Variants in DPYD observed in about 807,000 individuals in gnomAD.
DPYD encodes the protein dihydropyrimidine dehydrogenase.
In DPYD, 109 loss-of-function variants were observed where a neutral mutation model predicts 116.2. That is an observed-to-expected ratio of 0.94 (90% CI 0.80 to 1.10). The LOEUF is 1.10. Among genes scored for constraint, DPYD ranks in the 50% least tolerant of loss-of-function variants. The pLI is 0.00. For missense variants in DPYD, 1,302 were observed against 1,254.5 expected (o/e 1.04, Z -0.57); for synonymous variants, 440 against 432.0 (o/e 1.02, Z -0.23).
intron 12 of DPYD, among the ~76,000 whole-genome samples, chr1:97,543,568 AAACT>A (rs909857704): frequency 6.6e-6 from 1 of 152,232 alleles, no homozygotes; most frequent in African/African-American, 2.4e-5. Context: ...CCCCCAAAAC[AAACT>A]AATGTAAAAT....
chr1:97,847,542 T>C (rs2101554228), intron 2 of DPYD, among the ~76,000 whole-genome samples: 1 of 152,322 alleles, frequency 6.6e-6, no homozygotes, highest in South Asian at 2.1e-4. Flanking sequence ...GGCATGCTAA[T>C]TTTATCTGCT....
At chr1:97,886,292 C>T (rs1352348653) in intron 1 of DPYD, among the ~76,000 whole-genome samples, 1 of 152,036 alleles carries the variant, frequency 6.6e-6, no homozygotes, top group Non-Finnish European at 1.5e-5. Flanking sequence ...AAGATGCCAG[C>T]ATTTCTCATT....
chr1:97,608,980 C>G (rs1655771633), intron 8 of DPYD, among the ~76,000 whole-genome samples: 1 of 151,816 alleles, frequency 6.6e-6, no homozygotes, highest in Non-Finnish European at 1.5e-5. Context: ...CTGAACCACT[C>G]TAATGATAGT....
chr1:97,249,370 T>C (rs943182470), intron 18 of DPYD, among the ~76,000 whole-genome samples: 33 of 151,934 alleles, frequency 2.2e-4, no homozygotes, highest in African/African-American at 8.0e-4. Flanking sequence ...AAGCAGGATA[T>C]TTTTAAGAGG....
chr1:97,489,004 G>T (rs1311603929), intron 13 of DPYD, among the ~76,000 whole-genome samples: 1 of 152,292 alleles, frequency 6.6e-6, no homozygotes, highest in African/African-American at 2.4e-5. Context: ...CCTCTGGCTT[G>T]CCCTTGAATT....
intron 13 of DPYD, among the ~76,000 whole-genome samples, chr1:97,465,759 C>A (rs1402704391): frequency 6.6e-6 from 1 of 152,100 alleles, no homozygotes; most frequent in East Asian, 1.9e-4. Flanking sequence ...TCTTTATTAG[C>A]AGCATAAAAA....
At chr1:97,799,813 G>T (rs1158326100) in intron 3 of DPYD, among the ~76,000 whole-genome samples, 1 of 151,910 alleles carries the variant, frequency 6.6e-6, no homozygotes, top group Non-Finnish European at 1.5e-5. Flanking sequence ...TTCCACTGGA[G>T]GGTAGCAGGG....
chr1:97,470,941 G>A (rs1677612188), intron 13 of DPYD, among the ~76,000 whole-genome samples: 1 of 151,990 alleles, frequency 6.6e-6, no homozygotes. Context: ...AGTGAGCTGA[G>A]ATCGCATCAC....
intron 14 of DPYD, among the ~76,000 whole-genome samples, chr1:97,449,755 C>T (rs942105999): frequency 6.6e-6 from 1 of 152,122 alleles, no homozygotes; most frequent in Non-Finnish European, 1.5e-5. Flanking sequence ...TTCATAAATA[C>T]CAGCCACATA....
In DPYD at chr1:97,294,585, C is replaced by T. The variant is rs75487591; in HGVS notation, c.2299+10674G>A. 6.9e-4 allele frequency among the ~76,000 whole-genome samples: 105 copies of T among 152,256 alleles called. No individual in the cohort carries two copies. In the East Asian group the frequency reaches 0.015, roughly 21 times the overall value. ...AAAGAAGGTGAGACATATGCAGGAA[C>T]ACAGGTATTTGTAACTTACTCAGGA... On this transcript the variant is annotated intron_variant, in intron 18 of 22. Transcript: ENST00000370192.
intron 3 of DPYD, among the ~76,000 whole-genome samples, chr1:97,749,326 G>T (rs937128161): frequency 2.0e-5 from 3 of 152,146 alleles, no homozygotes; most frequent in Non-Finnish European, 4.4e-5. Flanking sequence ...GCACAATAAG[G>T]ATAGTAGATA....
In DPYD at chr1:97,428,026, T is replaced by G. The variant is rs140337444; in HGVS notation, c.1905+22033A>C. Among the ~76,000 whole-genome samples, 5 of 152,240 alleles carry G rather than the reference T, an allele frequency of 3.3e-5. No individual in the cohort carries two copies. In the East Asian group the frequency reaches 9.7e-4, roughly 29 times the overall value. ...TATGGTTCAGTTAAAATATAAAAGC[T>G]TTTTCTTCTACTATTCAATACACAC... On this transcript the variant is annotated intron_variant, in intron 14 of 22. Transcript: ENST00000370192.
chr1:97,880,836 A>T (rs1296716274), intron 2 of DPYD, among the ~76,000 whole-genome samples: 1 of 152,012 alleles, frequency 6.6e-6, no homozygotes, highest in East Asian at 1.9e-4. Context: ...TAATGCAGAT[A>T]GAATTTATCC....
intron 16 of DPYD, among the ~76,000 whole-genome samples, chr1:97,333,606 C>T (rs1329101664): frequency 1.3e-5 from 2 of 149,228 alleles, no homozygotes; most frequent in Non-Finnish European, 3.0e-5. Context: ...CTGCAATCTC[C>T]GCCTCCCAGG....
At chr1:97,111,632 C>T (rs906135878) in intron 20 of DPYD, among the ~76,000 whole-genome samples, 2 of 152,046 alleles carry the variant, frequency 1.3e-5, no homozygotes, top group Non-Finnish European at 2.9e-5. Flanking sequence ...CTCTTCACAT[C>T]TCCTTTTTAA....
chr1:97,874,333 T>G (rs1482157458), intron 2 of DPYD, among the ~76,000 whole-genome samples: 1 of 151,998 alleles, frequency 6.6e-6, no homozygotes, highest in African/African-American at 2.4e-5. Flanking sequence ...AAATGCTTTG[T>G]GTACATTAAA....
chr1:97,655,409 A>T (rs1440104007), intron 8 of DPYD, among the ~76,000 whole-genome samples: 1 of 152,178 alleles, frequency 6.6e-6, no homozygotes, highest in Non-Finnish European at 1.5e-5. Context: ...AGAGCGAGAC[A>T]CATTTGTGAC....
chr1:97,267,191 G>C (rs973117762), intron 18 of DPYD, among the ~76,000 whole-genome samples: 1 of 152,188 alleles, frequency 6.6e-6, no homozygotes, highest in South Asian at 2.1e-4. Context: ...TCCAGCATCT[G>C]TTGTTTCCTG....
chr1:97,533,160 C>A (rs1048908033), intron 12 of DPYD, among the ~76,000 whole-genome samples: 1 of 151,870 alleles, frequency 6.6e-6, no homozygotes, highest in Non-Finnish European at 1.5e-5. Flanking sequence ...CATGCCGCAC[C>A]TCCAGCACTG....
Sources: gnomAD v4.1 joint callset for allele counts (sites outside exome capture counted in the v4.1 genomes callset) on GRCh38, gnomAD v4.1.1 for gene constraint, MANE v1.5 for transcripts, NCBI Gene and HGNC (gene_info 2026-07-23, HGNC 2026-07-21) for gene names.